ARHGEF16: variants seen among roughly 807,000 people sequenced by gnomAD.
The protein encoded by ARHGEF16 is Rho guanine exchange factor (GEF) 16.
In ARHGEF16, 59 loss-of-function variants were observed where a neutral mutation model predicts 74.1. That is an observed-to-expected ratio of 0.80 (90% CI 0.65 to 0.99). ARHGEF16 has a LOEUF of 0.99. ARHGEF16 is among the 50% of genes least tolerant of loss of function. The pLI is 0.00. For missense variants in ARHGEF16, 948 were observed against 986.6 expected, an observed-to-expected ratio of 0.96 and a Z score of 0.52; for synonymous variants, 415 against 412.6, an observed-to-expected ratio of 1.01 and a Z score of -0.07.
intron 9 of ARHGEF16, 80 bp from the exon 10 acceptor site, chr1:3,475,890 T>C (rs1360979980): frequency 7.1e-7 from 1 of 1,408,452 alleles, no homozygotes; most frequent in Non-Finnish European, 9.6e-7. Flanking sequence ...TGGGCAGGTG[T>C]CCTGGGCACA....
intron 6 of ARHGEF16, chr1:3,471,530 G>A (rs906388257): frequency 5.9e-6 from 4 of 681,548 alleles, no homozygotes; most frequent in Admixed American, 6.1e-5. Context: ...CTCAGCATGG[G>A]ATGGGGCTGG....
chr1:3,469,745 G>GAT, intron 6 of ARHGEF16, 152 bp downstream of exon 6: 1 of 1,137,552 alleles, frequency 8.8e-7, no homozygotes, highest in Non-Finnish European at 1.2e-6. Flanking sequence ...CGCGGAGTGT[G>GAT]ATGACCTCTG....
At chr1:3,475,910 G>A (rs555681475) in intron 9 of ARHGEF16, 60 bp from the exon 10 acceptor site, 511 of 1,491,142 alleles carry the variant, frequency 3.4e-4, no homozygotes, top group Middle Eastern at 1.0e-3. Flanking sequence ...ACTGTGGGCC[G>A]TGTGGGCTGT....
At chr1:3,471,305 T>C (rs1639715551) in intron 6 of ARHGEF16, among the ~76,000 whole-genome samples, 1 of 151,952 alleles carries the variant, frequency 6.6e-6, no homozygotes, top group Admixed American at 6.5e-5. Flanking sequence ...ATTAGGGGCC[T>C]GTAGTGCCTG....
chr1:3,479,967 G>A, intron 14 of ARHGEF16, 54 bp downstream of exon 14: 1 of 1,570,286 alleles, frequency 6.4e-7, no homozygotes, highest in South Asian at 1.1e-5. Flanking sequence ...GCGGGCGTGA[G>A]TCAGCGTCCA....
intron 3 of ARHGEF16, 184 bp from the exon 4 acceptor site, chr1:3,466,984 G>T: frequency 1.7e-6 from 1 of 586,516 alleles, no homozygotes; most frequent in Non-Finnish European, 2.9e-6. Context: ...ATTTCAGGTG[G>T]GACTTGTGGC....
chr1:3,477,580 C>G (rs1250373837), intron 10 of ARHGEF16, among the ~76,000 whole-genome samples: 2 of 151,604 alleles, frequency 1.3e-5, no homozygotes, highest in African/African-American at 2.4e-5. Context: ...GGAGGCTTCC[C>G]CAGCACTGGC....
At position 3,468,934 on chromosome 1, in the gene ARHGEF16, G is replaced by A. The variant is rs1378882155; in HGVS notation, c.859G>A (p.Glu287Lys). The change falls in exon 5 of 15, where the codon GAG becomes AAG. Residue 287 changes from glutamate to lysine, a missense_variant and splice_region_variant. Coordinates refer to ENST00000378378, the MANE Select transcript of ARHGEF16 (RefSeq NM_014448.4). ...CTCCACTGAGGAGCGGAAAAGGCAG[G>A]AGGTAAAAGGGCCCTGGGCGGGAGG... Reference protein sequence around the residue: ...QLSTEERKRQEAMFEILTSEF... With the variant: ...QLSTEERKRQKAMFEILTSEF... 13 of 1,549,926 alleles carry A rather than the reference G, an allele frequency of 8.4e-6. No homozygotes were observed. The highest frequency in any genetic ancestry group is 1.1e-5 in the Non-Finnish European group (13 of 1,146,788).
intron 2 of ARHGEF16, among the ~76,000 whole-genome samples, chr1:3,465,499 C>T (rs1639516312): frequency 6.6e-6 from 1 of 152,186 alleles, no homozygotes; most frequent in South Asian, 2.1e-4. Flanking sequence ...GCTGAGGGTG[C>T]CAGGCCAGGT....
At chr1:3,462,737 A>G (rs960561015) in intron 1 of ARHGEF16, among the ~76,000 whole-genome samples, 2 of 152,198 alleles carry the variant, frequency 1.3e-5, no homozygotes, top group African/African-American at 4.8e-5. Flanking sequence ...GCTGCCCATC[A>G]GAGGAAGCAG....
In ARHGEF16 at chr1:3,463,145, T is replaced by G. The variant is rs1639442979; in HGVS notation, c.61T>G (p.Ser21Ala). The G allele has an allele frequency of 6.7e-7, 1 of 1,494,132 alleles. No homozygotes were observed. The highest frequency in any genetic ancestry group is 1.4e-5 in the African/African-American group (1 of 71,070). The allele number at this position is 1,494,132 out of a possible 1,614,324, so 92.6% of individuals were successfully genotyped here. ...EEKLLGHRFH[S>A]ELRLDAGGNP... ...GAAGCTCCTGGGACACCGCTTCCAC[T>G]CGGAGCTCCGGCTCGATGCCGGGGG... The change falls in exon 2 of 15, where the codon TCG (serine) becomes GCG (alanine). Residue 21 changes from serine to alanine, a missense_variant. By Grantham distance (99) the Ser-to-Ala change is moderately conservative (BLOSUM62 1). Coordinates refer to ENST00000378378, the MANE Select transcript of ARHGEF16 (RefSeq NM_014448.4).
At chr1:3,479,045 G>T (rs972272920) in intron 12 of ARHGEF16, among the ~76,000 whole-genome samples, 1 of 152,210 alleles carries the variant, frequency 6.6e-6, no homozygotes, top group African/African-American at 2.4e-5. Context: ...GGCCGGTAGG[G>T]GCCAGTTCAG....
In ARHGEF16 at chr1:3,480,938, T is replaced by C. The variant is rs556036038; in HGVS notation, c.*351T>C. The C allele has an allele frequency of 1.2e-4, 36 of 289,318 alleles. No individual in the cohort carries two copies. The highest frequency in any genetic ancestry group is 3.5e-4 in the African/African-American group (16 of 45,920). The allele number at this position is 289,318 out of a possible 1,614,324, so 17.9% of individuals were successfully genotyped here. On this transcript the variant is annotated 3_prime_UTR_variant, in exon 15 of 15. Transcript: ENST00000378378. The stretch of plus-strand genomic sequence containing the variant: ...GCACAGGAGGCACCAATAGCGATTA[T>C]TGGGGGCAATGCGAGGTCTCCTCCT...
At position 3,472,553 on chromosome 1, in the gene ARHGEF16, C is replaced by T. The variant is rs530884813; in HGVS notation, c.1023-525C>T. The stretch of plus-strand genomic sequence containing the variant: ...CAGCAGAGCTGCCTCGGATTTGGGA[C>T]TCATCCTTGGAAGGGGTGGCCCCAG... On this transcript the variant is annotated intron_variant, in intron 6 of 14. Coordinates refer to ENST00000378378, the MANE Select transcript of ARHGEF16 (RefSeq NM_014448.4). Among the ~76,000 whole-genome samples, 3 of 152,364 alleles carry T rather than the reference C, an allele frequency of 2.0e-5. No individual in the cohort carries two copies. In the East Asian group the frequency reaches 5.8e-4, roughly 29 times the overall value.
chr1:3,470,939 G>A (rs1349483966), intron 6 of ARHGEF16, among the ~76,000 whole-genome samples: 2 of 128,716 alleles, frequency 1.6e-5, no homozygotes, highest in African/African-American at 6.0e-5. Flanking sequence ...TGTGTGCATG[G>A]GCAGGGGTGT....
chr1:3,462,969 A>C (rs1569843260), intron 1 of ARHGEF16, 97 bp from the exon 2 acceptor site: 2 of 838,316 alleles, frequency 2.4e-6, no homozygotes, highest in South Asian at 2.2e-5. Context: ...GCTGTACTGG[A>C]GCCCCGGCCA....
intron 4 of ARHGEF16, 138 bp downstream of exon 4, chr1:3,467,475 A>T: frequency 9.1e-7 from 1 of 1,097,324 alleles, no homozygotes; most frequent in Non-Finnish European, 1.3e-6. Flanking sequence ...CAGCCTTCCC[A>T]GAAGCCCCTC....
chr1:3,477,344 A>ACCCCATCAC, intron 10 of ARHGEF16, among the ~76,000 whole-genome samples: 1 of 1,024 alleles, frequency 9.8e-4, no homozygotes, highest in South Asian at 0.1. Flanking sequence ...CACACTGCCC[A>ACCCCATCAC]CCCTCTGGCC....
At chr1:3,463,945 A>G (rs970243509) in intron 2 of ARHGEF16, among the ~76,000 whole-genome samples, 1 of 152,218 alleles carries the variant, frequency 6.6e-6, no homozygotes, top group Non-Finnish European at 1.5e-5. Flanking sequence ...GGTGGAGGGC[A>G]GATCCCTGGA....
Sources: gnomAD v4.1 joint callset for allele counts (sites outside exome capture counted in the v4.1 genomes callset) on GRCh38, gnomAD v4.1.1 for gene constraint, MANE v1.5 for transcripts, NCBI Gene and HGNC (gene_info 2026-07-23, HGNC 2026-07-21) for gene names.